The following RIPOR2 variants were observed in gnomAD, a reference collection of about 807,000 sequenced individuals.
RIPOR2 encodes the protein rho family-interacting cell polarization regulator 2.
RIPOR2 carries 39 observed loss-of-function variants against 114.5 expected under a neutral mutation model. The ratio of observed to expected loss-of-function variants is 0.34; its 90% CI spans 0.26 to 0.44. RIPOR2 has a LOEUF of 0.44. Among genes scored for constraint, RIPOR2 ranks in the 20% least tolerant of loss-of-function variants. RIPOR2 has a pLI of 1.00. For missense variants in RIPOR2, 1,007 were observed against 1,255.1 expected (o/e 0.80, Z 2.99); for synonymous variants, 445 against 484.4 (o/e 0.92, Z 1.07).
intron 12 of RIPOR2, among the ~76,000 whole-genome samples, chr6:24,847,189 G>A (rs944492018): frequency 5.3e-5 from 8 of 152,310 alleles, no homozygotes; most frequent in African/African-American, 1.9e-4. Flanking sequence ...CTGAGCTCAA[G>A]CGATCCACCC....
At chr6:24,951,988 C>T (rs981093870) in intron 1 of RIPOR2, among the ~76,000 whole-genome samples, 2 of 152,202 alleles carry the variant, frequency 1.3e-5, no homozygotes, top group Non-Finnish European at 2.9e-5. Flanking sequence ...CTGTATTCTG[C>T]AGTGGACATT....
chr6:24,876,865 G>T, intron 1 of RIPOR2: 1 of 596,796 alleles, frequency 1.7e-6, no homozygotes, highest in Non-Finnish European at 2.1e-6. Flanking sequence ...CTGAGCAGAA[G>T]CCCAGGGCTA....
At chr6:24,846,013 A>T (rs1004967250) in intron 12 of RIPOR2, among the ~76,000 whole-genome samples, 1 of 152,012 alleles carries the variant, frequency 6.6e-6, no homozygotes, top group Non-Finnish European at 1.5e-5. Flanking sequence ...CGCTCTGAGG[A>T]CCTTTGCATT....
rs531858009 is a variant in RIPOR2 at position 25,019,311 on chromosome 6, T to C, written c.76+22540A>G. Among the ~76,000 whole-genome samples the C allele has an allele frequency of 2.0e-5, 3 of 152,320 alleles. No individual in the cohort carries two copies. In the South Asian group the frequency reaches 6.2e-4, roughly 32 times the overall value. On this transcript the variant is annotated intron_variant, in intron 1 of 13. Transcript: ENST00000510784. ...CTGTAATGTTCTCAGGAGAAATTAT[T>C]ACCACTCTCAAGGAAGGCGATTTAG...
At chr6:24,969,069 G>GTAT (rs1414587409) in intron 1 of RIPOR2, among the ~76,000 whole-genome samples, 2 of 152,180 alleles carry the variant, frequency 1.3e-5, no homozygotes, top group Admixed American at 1.3e-4. Context: ...AAGCCCTTAG[G>GTAT]TATTCTAGGG....
chr6:24,839,935 C>CTTTTTTTTTT lies in RIPOR2; in HGVS notation c.1858-673_1858-664dup, dbSNP rs760508182. ...GTTCCCTAGGTAAGAAGCCCTGCAT[C>CTTTTTTTTTT]TTTTTTTTTTTTTTTTTTTTTTTTT... On this transcript the variant is annotated intron_variant, in intron 13 of 21. Coordinates refer to ENST00000643898, the MANE Select transcript of RIPOR2 (RefSeq NM_001286445.3). 109 of 344,464 alleles carry CTTTTTTTTTT rather than the reference C, an allele frequency of 3.2e-4. 13 individuals are homozygous for CTTTTTTTTTT. Among genetic ancestry groups the CTTTTTTTTTT allele is most frequent in the African/African-American group, 3.1e-3 (56 of 18,210 alleles). The allele number at this position is 344,464 out of a possible 1,614,324, so 21.3% of individuals were successfully genotyped here. A position where few individuals can be genotyped will look rare whatever the true frequency, so the allele number is the denominator to read the frequency against.
intron 1 of RIPOR2, among the ~76,000 whole-genome samples, chr6:25,035,311 A>G (rs907465871): frequency 1.3e-4 from 20 of 152,256 alleles, no homozygotes; most frequent in African/African-American, 4.6e-4. Context: ...CTTGGGGTAA[A>G]CTCCTCACTG....
rs116148149 is a variant in RIPOR2, at chr6:25,036,071, C to T, written c.76+5780G>A. 1.4e-3 allele frequency among the ~76,000 whole-genome samples: 212 copies of T among 152,310 alleles called. 3 individuals are homozygous for T. The highest frequency in any genetic ancestry group is 3.1e-3 in the African/African-American group (128 of 41,562). ...CAGCCCCAACCACAGTCCAGGGCAT[C>T]GTCTGTGGGATTCAGACTGCTGCTT... On this transcript the variant is annotated intron_variant, in intron 1 of 13. Coordinates refer to the RIPOR2 transcript ENST00000510784.
chr6:24,962,829 G>A (rs441572), intron 1 of RIPOR2, among the ~76,000 whole-genome samples: 147,690 of 152,290 alleles, frequency 0.97, 71,628 homozygotes, highest in East Asian at 1. Flanking sequence ...TAGAAGTATT[G>A]TTGGAGAGTG....
At chr6:24,857,208 C>T (rs1213030590) in intron 8 of RIPOR2, among the ~76,000 whole-genome samples, 1 of 152,198 alleles carries the variant, frequency 6.6e-6, no homozygotes, top group Non-Finnish European at 1.5e-5. Flanking sequence ...TCTTTGAGGC[C>T]TGGCCAGGTT....
intron 1 of RIPOR2, among the ~76,000 whole-genome samples, chr6:24,912,990 T>C (rs1769788251): frequency 6.6e-6 from 1 of 152,204 alleles, no homozygotes; most frequent in African/African-American, 2.4e-5. Context: ...AACAAGTAAC[T>C]TCCTGATGAT....
upstream of RIPOR2, among the ~76,000 whole-genome samples, chr6:24,937,786 A>C (rs1771898363): frequency 6.6e-6 from 1 of 152,168 alleles, no homozygotes; most frequent in Admixed American, 6.5e-5. Flanking sequence ...AAGATCAGGC[A>C]GCTAGTGAGT....
At chr6:25,024,450 T>G in intron 1 of RIPOR2, 1 of 919,710 alleles carries the variant, frequency 1.1e-6, no homozygotes. Context: ...GCCGCCACCA[T>G]AGGCCAGAAC....
chr6:25,018,460 T>C (rs1776127343), intron 1 of RIPOR2, among the ~76,000 whole-genome samples: 1 of 152,318 alleles, frequency 6.6e-6, no homozygotes, highest in African/African-American at 2.4e-5. Flanking sequence ...TTTTTCTTTC[T>C]CCATTTTTTA....
chr6:24,821,845 AT>A (rs1759728968), intron 19 of RIPOR2, among the ~76,000 whole-genome samples: 1 of 152,236 alleles, frequency 6.6e-6, no homozygotes. Flanking sequence ...CATCTTTAGC[AT>A]TTCATCCCTA....
intron 12 of RIPOR2, 191 bp downstream of exon 12, chr6:24,847,834 G>T (rs1562255852): frequency 1.7e-6 from 2 of 1,166,468 alleles, no homozygotes; most frequent in African/African-American, 1.6e-5. Context: ...CTTAGAGAAT[G>T]TTCAGAAAAA....
At chr6:24,942,905 C>T (rs1238089158) in intron 1 of RIPOR2, among the ~76,000 whole-genome samples, 2 of 152,162 alleles carry the variant, frequency 1.3e-5, no homozygotes, top group Non-Finnish European at 1.5e-5. Flanking sequence ...TGTGCAGAAG[C>T]TCTTTAGTTT....
intron 1 of RIPOR2, among the ~76,000 whole-genome samples, chr6:24,881,137 G>A (rs1766314893): frequency 1.3e-5 from 2 of 152,048 alleles, no homozygotes; most frequent in Admixed American, 6.5e-5. Flanking sequence ...CCAGCTACTC[G>A]GGAGGCTGAG....
chr6:25,015,237 G>A (rs1477539286), intron 1 of RIPOR2: 1 of 152,186 alleles, frequency 6.6e-6, no homozygotes, highest in South Asian at 2.1e-4. Flanking sequence ...AGGAGTCTTC[G>A]AAACCTTTTG....
Sources: gnomAD v4.1 joint callset for allele counts (sites outside exome capture counted in the v4.1 genomes callset) on GRCh38, gnomAD v4.1.1 for gene constraint, MANE v1.5 for transcripts, NCBI Gene and HGNC (gene_info 2026-07-23, HGNC 2026-07-21) for gene names.